BBS9: variants seen among roughly 807,000 people sequenced by gnomAD.
BBS9 encodes protein PTHB1.
Under a neutral mutation model 117.7 loss-of-function variants are expected in BBS9, and 89 were observed. The observed-to-expected ratio is 0.76, with a 90% CI of 0.64 to 0.90. The LOEUF (loss-of-function observed/expected upper bound fraction) is 0.90. BBS9 is among the 40% of genes least tolerant of loss of function. The pLI is 0.00. For missense variants in BBS9, 982 were observed against 1,042.2 expected, an observed-to-expected ratio of 0.94 and a Z score of 0.80; for synonymous variants, 379 against 370.9, an observed-to-expected ratio of 1.02 and a Z score of -0.25.
At chr7:33,368,929 T>C (rs146180964) in intron 17 of BBS9, among the ~76,000 whole-genome samples, 1 of 152,216 alleles carries the variant, frequency 6.6e-6, no homozygotes, top group African/African-American at 2.4e-5. Flanking sequence ...GTCACAGAAA[T>C]AACAACTCTG....
chr7:33,304,379 G>T lies in BBS9; in HGVS notation c.1016+30423G>T, dbSNP rs545512639. On this transcript the variant is annotated intron_variant, in intron 9 of 22. Coordinates refer to ENST00000242067, the MANE Select transcript of BBS9 (RefSeq NM_198428.3). ...TGGGAGGTGAGGAGCACCTCTGCCC[G>T]GCCGCCACCCCATCTGGGAGGTGAG... 5.0e-4 allele frequency among the ~76,000 whole-genome samples: 68 copies of T among 136,966 alleles called. 2 individuals carry two copies. The South Asian group carries it at 8.7e-3, about 18-fold the overall frequency. The allele number at this position is 136,966 out of a possible 152,430, so 89.9% of individuals were successfully genotyped here. A position where few individuals can be genotyped will look rare whatever the true frequency, so the allele number is the denominator to read the frequency against.
chr7:33,306,695 A>G (rs1468245611), intron 9 of BBS9, among the ~76,000 whole-genome samples: 1 of 152,140 alleles, frequency 6.6e-6, no homozygotes, highest in Non-Finnish European at 1.5e-5. Context: ...TACAAAAAGC[A>G]TATGCTATTG....
intron 19 of BBS9, among the ~76,000 whole-genome samples, chr7:33,442,293 T>C (rs1836326366): frequency 6.6e-6 from 1 of 152,208 alleles, no homozygotes. Flanking sequence ...TCATATTATG[T>C]TTGCCAAAGA....
rs533969838 is a variant in BBS9, at chr7:33,363,226, C to G, written c.1694-4541C>G. On this transcript the variant is annotated intron_variant, in intron 16 of 22. Coordinates refer to ENST00000242067, the MANE Select transcript of BBS9 (RefSeq NM_198428.3). ...CAAGCAATTCTCCTGTCTCAGCCTC[C>G]CAAGTAGTTGGGACTACAGGCACAC... is the stretch of plus-strand genomic sequence containing the variant. Among the ~76,000 whole-genome samples the G allele has an allele frequency of 1.2e-4, 18 of 152,226 alleles. No individual in the cohort carries two copies. In the South Asian group the frequency reaches 3.7e-3, roughly 32 times the overall value.
chr7:33,309,312 C>T (rs1562972009), intron 9 of BBS9, among the ~76,000 whole-genome samples: 1 of 147,246 alleles, frequency 6.8e-6, no homozygotes, highest in African/African-American at 2.4e-5. Context: ...CAAATTATAA[C>T]ACGTTTGAGT....
chr7:33,433,463 A>G (rs568582187), intron 19 of BBS9, among the ~76,000 whole-genome samples: 57 of 152,364 alleles, frequency 3.7e-4, no homozygotes, highest in Middle Eastern at 3.4e-3. Flanking sequence ...TCTAGACTGT[A>G]CTTGCATTTG....
intron 19 of BBS9, among the ~76,000 whole-genome samples, chr7:33,441,688 T>C (rs1474054955): frequency 6.6e-6 from 1 of 152,200 alleles, no homozygotes; most frequent in African/African-American, 2.4e-5. Flanking sequence ...ACCCATTTAA[T>C]TGCAACTAAT....
At chr7:33,329,240 C>G (rs1489572407) in intron 9 of BBS9, among the ~76,000 whole-genome samples, 1 of 152,002 alleles carries the variant, frequency 6.6e-6, no homozygotes, top group Non-Finnish European at 1.5e-5. Context: ...AGACTGGTCT[C>G]GAACTCCTGG....
At chr7:33,387,745 A>C (rs1283015301) in intron 18 of BBS9, among the ~76,000 whole-genome samples, 1 of 152,160 alleles carries the variant, frequency 6.6e-6, no homozygotes, top group Non-Finnish European at 1.5e-5. Flanking sequence ...AACACTTATT[A>C]AATGATCTGT....
chr7:33,571,105 T>C (rs1231469257), intron 21 of BBS9, among the ~76,000 whole-genome samples: 2 of 152,192 alleles, frequency 1.3e-5, no homozygotes, highest in African/African-American at 4.8e-5. Flanking sequence ...TATAAGATGT[T>C]ATATAGGTGA....
At chr7:33,622,218 C>T (rs1005252576) in intron 21 of BBS9, among the ~76,000 whole-genome samples, 1 of 151,344 alleles carries the variant, frequency 6.6e-6, no homozygotes, top group African/African-American at 2.4e-5. Flanking sequence ...AAAATAAAAA[C>T]AAAAAAAATA....
chr7:33,572,188 A>G (rs1050495454), intron 21 of BBS9, among the ~76,000 whole-genome samples: 3 of 152,096 alleles, frequency 2.0e-5, no homozygotes, highest in Non-Finnish European at 4.4e-5. Flanking sequence ...GCAGGATAAG[A>G]ACATGCAATA....
intron 5 of BBS9, among the ~76,000 whole-genome samples, chr7:33,233,022 T>G (rs183861162): frequency 2.0e-5 from 3 of 152,242 alleles, no homozygotes; most frequent in African/African-American, 7.2e-5. Flanking sequence ...AAGCATTTGT[T>G]CTTTGACTTA....
chr7:33,403,937 G>A (rs2128798709), intron 19 of BBS9, among the ~76,000 whole-genome samples: 1 of 152,246 alleles, frequency 6.6e-6, no homozygotes, highest in South Asian at 2.1e-4. Flanking sequence ...CACCAACAGT[G>A]TAAAAGTGTT....
At chr7:33,387,410 C>T (rs1373564794) in intron 18 of BBS9, among the ~76,000 whole-genome samples, 2 of 151,992 alleles carry the variant, frequency 1.3e-5, no homozygotes, top group Admixed American at 1.3e-4. Context: ...ATGGGCATGA[C>T]TTTGTCTCTG....
At chr7:33,319,159 T>C (rs1312577915) in intron 9 of BBS9, among the ~76,000 whole-genome samples, 4 of 135,908 alleles carry the variant, frequency 2.9e-5, no homozygotes, top group Non-Finnish European at 6.7e-5. Flanking sequence ...CAAGACTCTA[T>C]GTCAAAAAAA....
chr7:33,259,596 A>G (rs751507092), intron 6 of BBS9, among the ~76,000 whole-genome samples: 37 of 150,980 alleles, frequency 2.5e-4, no homozygotes, highest in South Asian at 6.3e-4. Flanking sequence ...ACTTGTCTTG[A>G]GCTCTTGGGC....
intron 4 of BBS9, among the ~76,000 whole-genome samples, chr7:33,167,436 T>C (rs1795874117): frequency 1.3e-5 from 2 of 149,902 alleles, no homozygotes; most frequent in African/African-American, 4.9e-5. Context: ...GGAGTCTAGC[T>C]CTGTTGCCCA....
intron 19 of BBS9, among the ~76,000 whole-genome samples, chr7:33,462,223 A>G (rs1316187493): frequency 6.6e-6 from 1 of 152,104 alleles, no homozygotes; most frequent in Non-Finnish European, 1.5e-5. Flanking sequence ...TGTTAAACAT[A>G]TAAAATATTC....
Sources: gnomAD v4.1 joint callset for allele counts (sites outside exome capture counted in the v4.1 genomes callset) on GRCh38, gnomAD v4.1.1 for gene constraint, MANE v1.5 for transcripts, NCBI Gene and HGNC (gene_info 2026-07-23, HGNC 2026-07-21) for gene names.